FOXN3: variants seen among roughly 807,000 people sequenced by gnomAD.
The protein encoded by FOXN3 is forkhead box protein N3.
A neutral mutation model predicts 38.4 loss-of-function variants in FOXN3; 7 were observed. That is an observed-to-expected ratio of 0.18 (90% CI 0.10 to 0.34). The LOEUF (loss-of-function observed/expected upper bound fraction) is 0.34, where lower values mean the gene tolerates loss of function less well. FOXN3 is among the 10% of genes least tolerant of loss of function. FOXN3 has a pLI of 1.00. For missense variants in FOXN3, 456 were observed against 613.4 expected (o/e 0.74, Z 2.71); for synonymous variants, 230 against 242.2 (o/e 0.95, Z 0.47).
chr14:89,173,769 T>C (rs1284038431), intron 5 of FOXN3, among the ~76,000 whole-genome samples: 5 of 152,178 alleles, frequency 3.3e-5, no homozygotes, highest in East Asian at 1.9e-4. Flanking sequence ...GGTGTGTGGA[T>C]TGTTTGCGCC....
At chr14:89,423,806 A>G (rs1891968821) in intron 1 of FOXN3, among the ~76,000 whole-genome samples, 1 of 152,258 alleles carries the variant, frequency 6.6e-6, no homozygotes, top group African/African-American at 2.4e-5. Context: ...TCAAGAGGAC[A>G]GTCGCAAAAC....
At chr14:89,604,168 T>C (rs186292254) in intron 1 of FOXN3, among the ~76,000 whole-genome samples, 12 of 150,916 alleles carry the variant, frequency 8.0e-5, no homozygotes, top group African/African-American at 2.9e-4. Flanking sequence ...TGATAAAGAA[T>C]TCCCACTAAT....
intron 2 of FOXN3, among the ~76,000 whole-genome samples, chr14:89,406,998 G>GAAAAA (rs35141347): frequency 7.8e-6 from 1 of 128,448 alleles, no homozygotes; most frequent in Non-Finnish European, 1.7e-5. Flanking sequence ...TAGACGAAAT[G>GAAAAA]AAAAAAAAAA....
At chr14:89,481,247 A>AATCT (rs1356253373) in intron 1 of FOXN3, among the ~76,000 whole-genome samples, 1 of 152,116 alleles carries the variant, frequency 6.6e-6, no homozygotes, top group Non-Finnish European at 1.5e-5. Flanking sequence ...TTCAAAATAA[A>AATCT]ATCTTTTCCA....
chr14:89,260,476 A>G (rs1056437315), intron 4 of FOXN3, among the ~76,000 whole-genome samples: 1 of 152,190 alleles, frequency 6.6e-6, no homozygotes, highest in Non-Finnish European at 1.5e-5. Flanking sequence ...AACCCAGCTC[A>G]TCTATATCAG....
chr14:89,432,772 T>C (rs1278681791), intron 1 of FOXN3, among the ~76,000 whole-genome samples: 1 of 152,214 alleles, frequency 6.6e-6, no homozygotes, highest in African/African-American at 2.4e-5. Flanking sequence ...TTTGGGGTTT[T>C]TGGGAGGGAG....
chr14:89,302,250 T>C (rs1887240151), intron 3 of FOXN3, among the ~76,000 whole-genome samples: 1 of 152,224 alleles, frequency 6.6e-6, no homozygotes. Context: ...ACTTCCATGA[T>C]AGCATTAAAT....
rs1031909276 is a variant in FOXN3, at chr14:89,164,734, G to A, written c.852-1765C>T. On this transcript the variant is annotated intron_variant, in intron 5 of 5. Coordinates refer to ENST00000557258, the MANE Select transcript of FOXN3 (RefSeq NM_005197.4). This position sits in a 1 kb window ranked among gnomAD's most constrained non-coding sequence, Gnocchi z 4.3. ...CTCACCGGGCACACGCTGAGGATAC[G>A]GCACTGGTAGAAGGGCTGTGGGGTC... 7.2e-5 allele frequency among the ~76,000 whole-genome samples: 11 copies of A among 152,148 alleles called. No individual in the cohort carries two copies. The highest frequency in any genetic ancestry group is 2.4e-4 in the African/African-American group (10 of 41,440).
intron 2 of FOXN3, among the ~76,000 whole-genome samples, chr14:89,363,365 A>G (rs1889955386): frequency 6.6e-6 from 1 of 152,192 alleles, no homozygotes; most frequent in South Asian, 2.1e-4. Flanking sequence ...CTACAAACTA[A>G]CCCATGACTA....
chr14:89,218,377 G>A (rs1220458635), intron 4 of FOXN3, among the ~76,000 whole-genome samples: 1 of 152,186 alleles, frequency 6.6e-6, no homozygotes, highest in Non-Finnish European at 1.5e-5. Context: ...CACAAGAGAG[G>A]TCACCCAATC....
chr14:89,207,701 G>A (rs1390852374), intron 4 of FOXN3, among the ~76,000 whole-genome samples: 1 of 152,044 alleles, frequency 6.6e-6, no homozygotes, highest in African/African-American at 2.4e-5. Context: ...AGTTTTAATG[G>A]GGAAAAAATG....
rs529515496 is a variant in FOXN3, at chr14:89,517,934, G to A, written c.-15+101094C>T. ...AACGTGTTAGAGCAAAACTCTGCTG[G>A]TACCAAACTCAAATTTGTACACATC... On this transcript the variant is annotated intron_variant, in intron 1 of 6. Coordinates refer to the FOXN3 transcript ENST00000345097. Among the ~76,000 whole-genome samples the A allele has an allele frequency of 6.6e-5, 10 of 152,140 alleles. No homozygotes were observed. In the South Asian group the frequency reaches 1.7e-3, roughly 25 times the overall value.
intron 4 of FOXN3, among the ~76,000 whole-genome samples, chr14:89,264,868 T>A (rs1404002263): frequency 1.3e-5 from 2 of 152,200 alleles, no homozygotes; most frequent in Non-Finnish European, 1.5e-5. Flanking sequence ...GACTTCTACA[T>A]CCCCCTCCTA....
intron 2 of FOXN3, among the ~76,000 whole-genome samples, chr14:89,372,043 T>G (rs1372438446): frequency 6.6e-6 from 1 of 152,108 alleles, no homozygotes; most frequent in Non-Finnish European, 1.5e-5. Flanking sequence ...GTTTCTTCTT[T>G]CTGAGTGTGC....
rs968901010 is a variant in FOXN3, at chr14:89,164,535, C to T, written c.852-1566G>A. Among the ~76,000 whole-genome samples the T allele has an allele frequency of 5.9e-5, 9 of 152,130 alleles. No individual in the cohort carries two copies. The highest frequency in any genetic ancestry group is 2.2e-4 in the African/African-American group (9 of 41,416). On this transcript the variant is annotated intron_variant, in intron 5 of 5. Transcript: ENST00000557258. The surrounding 1 kb of genome is among the most constrained non-coding windows in gnomAD (Gnocchi z 4.3). ...ATTATGAACTGTGTGGTCATGTGTC[C>T]CATTAGAGAGCTAGCTCCATGAGAC...
At chr14:89,347,004 G>GC (rs1256905206) in intron 3 of FOXN3, among the ~76,000 whole-genome samples, 4 of 120,992 alleles carry the variant, frequency 3.3e-5, no homozygotes, top group African/African-American at 6.4e-5. Flanking sequence ...TGACACCCCT[G>GC]CCCCCCACCC....
chr14:89,498,222 T>G (rs1429821641), intron 1 of FOXN3, among the ~76,000 whole-genome samples: 1 of 143,954 alleles, frequency 6.9e-6, no homozygotes, highest in Admixed American at 6.9e-5. Context: ...TTTTTTTTTT[T>G]TTTTTTTTTT....
intron 1 of FOXN3, among the ~76,000 whole-genome samples, chr14:89,582,411 G>A (rs1179791021): frequency 6.6e-6 from 1 of 151,790 alleles, no homozygotes; most frequent in Admixed American, 6.6e-5. Flanking sequence ...TGTTTGAATA[G>A]AGGAATAGCC....
At chr14:89,588,018 A>T (rs1358890410) in intron 1 of FOXN3, among the ~76,000 whole-genome samples, 1 of 151,986 alleles carries the variant, frequency 6.6e-6, no homozygotes, top group Non-Finnish European at 1.5e-5. Flanking sequence ...TGTAATCCCC[A>T]GTGTTGGAGA....
Sources: gnomAD v4.1 joint callset for allele counts (sites outside exome capture counted in the v4.1 genomes callset) on GRCh38, gnomAD v4.1.1 for gene constraint, Gnocchi (gnomAD v3.1) non-coding constraint, MANE v1.5 for transcripts, NCBI Gene and HGNC (gene_info 2026-07-23, HGNC 2026-07-21) for gene names.